The following DPP6 variants were observed in gnomAD, a reference collection of about 807,000 sequenced individuals.
DPP6 encodes dipeptidyl peptidase like 6.
Under a neutral mutation model 122.6 loss-of-function variants are expected in DPP6, and 69 were observed. That is an observed-to-expected ratio of 0.56 (90% confidence interval 0.46 to 0.69). The LOEUF (loss-of-function observed/expected upper bound fraction) is 0.69, where lower values mean the gene tolerates loss of function less well. Ranked by LOEUF, DPP6 falls within the 30% of genes least tolerant of loss-of-function variation. The probability of loss-of-function intolerance (pLI) is 0.00; values close to 1 mark genes in which losing one functional copy is unlikely to be tolerated. For synonymous variants in DPP6, 418 were observed against 433.1 expected, an observed-to-expected ratio of 0.97 and a Z score of 0.43; for missense variants, 928 against 1,116.9, an observed-to-expected ratio of 0.83 and a Z score of 2.41.
the DPP6 span, among the ~76,000 whole-genome samples, chr7:153,829,992 C>T: frequency 1.3e-5 from 2 of 152,188 alleles, no homozygotes; most frequent in South Asian, 2.1e-4. Flanking sequence ...GAGATTTCAT[C>T]GGAGAAGCTA....
chr7:154,352,512 C>T (rs1425279304), intron 1 of DPP6, among the ~76,000 whole-genome samples: 1 of 152,024 alleles, frequency 6.6e-6, no homozygotes, highest in African/African-American at 2.4e-5. Flanking sequence ...AAAAATTTGT[C>T]CTTAAAAATG....
At chr7:154,546,182 T>C (rs1357760016) in intron 4 of DPP6, among the ~76,000 whole-genome samples, 2 of 150,960 alleles carry the variant, frequency 1.3e-5, no homozygotes, top group East Asian at 3.8e-4. Context: ...ACAAAAAATA[T>C]TTATGATATA....
At position 154,241,071 on chromosome 7, in the gene DPP6, A is replaced by G. The variant is rs1376407539; in HGVS notation, c.243+188008A>G. Among the ~76,000 whole-genome samples, 2 of 152,034 alleles carry G rather than the reference A, an allele frequency of 1.3e-5. No individual in the cohort carries two copies. Among genetic ancestry groups the G allele is most frequent in the African/African-American group, 4.8e-5 (2 of 41,318 alleles). On this transcript the variant is annotated intron_variant, in intron 1 of 25. Coordinates refer to ENST00000377770, the MANE Select transcript of DPP6 (RefSeq NM_130797.4). This position sits in a 1 kb window ranked among gnomAD's most constrained non-coding sequence, Gnocchi z 9.0. The stretch of plus-strand genomic sequence containing the variant: ...GTTGGAATATTGTGAAGTTCCGTTG[A>G]TAAATAAATTGATGAAAACCTTTTT...
chr7:154,864,963 C>A (rs1299825152), intron 17 of DPP6, among the ~76,000 whole-genome samples: 1 of 152,232 alleles, frequency 6.6e-6, no homozygotes, highest in Non-Finnish European at 1.5e-5. Flanking sequence ...CTGAGTTTAA[C>A]CTTCTCCTTC....
chr7:153,786,631 C>T, the DPP6 span, among the ~76,000 whole-genome samples: 11 of 147,318 alleles, frequency 7.5e-5, no homozygotes, highest in South Asian at 2.3e-4. Context: ...CCCAGCTACT[C>T]GGGAGGCTGA....
intron 17 of DPP6, among the ~76,000 whole-genome samples, chr7:154,862,214 G>A (rs141938461): frequency 2.6e-5 from 4 of 152,280 alleles, no homozygotes; most frequent in South Asian, 2.1e-4. Context: ...CCTTGCCCTC[G>A]TGACGCCTGT....
Position 154,559,352 on chromosome 7 carries a change from A to G in DPP6, c.553-7490A>G, listed in dbSNP as rs73483848. 8.8e-3 allele frequency among the ~76,000 whole-genome samples: 1,340 copies of G among 151,812 alleles called. 20 individuals carry two copies. Among genetic ancestry groups the G allele is most frequent in the African/African-American group, 0.029 (1,204 of 41,502 alleles). On this transcript the variant is annotated intron_variant, in intron 4 of 25. Coordinates refer to ENST00000377770, the MANE Select transcript of DPP6 (RefSeq NM_130797.4). ...CCAAGAACAAAGAGAAACTTGAAAA[A>G]AAAAAAAGCCTGAACAGCATGTCAA...
intron 1 of DPP6, among the ~76,000 whole-genome samples, chr7:154,238,060 G>A (rs10265546): frequency 0.05 from 7,559 of 152,244 alleles, 631 homozygotes; most frequent in African/African-American, 0.17. Context: ...GGAGGACATC[G>A]AAGATGTCTA....
At chr7:154,411,211 T>C (rs1362062841) in intron 1 of DPP6, among the ~76,000 whole-genome samples, 1 of 152,228 alleles carries the variant, frequency 6.6e-6, no homozygotes, top group Non-Finnish European at 1.5e-5. Context: ...GTAACTCTCA[T>C]TGCATTCATC....
At chr7:153,971,846 A>G (rs1477789132) in intron 1 of DPP6, among the ~76,000 whole-genome samples, 1 of 143,478 alleles carries the variant, frequency 7.0e-6, no homozygotes, top group Non-Finnish European at 1.5e-5. Flanking sequence ...GAACTCCTGG[A>G]ACTCTGGGCT....
chr7:153,759,630 C>G, the DPP6 span, among the ~76,000 whole-genome samples: 1 of 151,794 alleles, frequency 6.6e-6, no homozygotes, highest in Non-Finnish European at 1.5e-5. Flanking sequence ...CCATGCCCAG[C>G]CAACAATGAC....
intron 2 of DPP6, among the ~76,000 whole-genome samples, chr7:154,446,709 G>A (rs764092336): frequency 6.6e-6 from 1 of 152,154 alleles, no homozygotes; most frequent in Non-Finnish European, 1.5e-5. Flanking sequence ...TGTGAACTAA[G>A]GAGAAGGTGC....
intron 2 of DPP6, among the ~76,000 whole-genome samples, chr7:154,458,093 C>T (rs886565856): frequency 6.6e-6 from 1 of 152,122 alleles, no homozygotes; most frequent in African/African-American, 2.4e-5. Context: ...ATACTGGCAG[C>T]CCCCAGAGGC....
intron 1 of DPP6, among the ~76,000 whole-genome samples, chr7:154,223,391 C>G (rs1800415957): frequency 6.7e-6 from 1 of 149,284 alleles, no homozygotes. Flanking sequence ...AAATATAGAA[C>G]TAATGATACC....
At chr7:154,699,762 A>G (rs537863866) in intron 7 of DPP6, among the ~76,000 whole-genome samples, 149 of 152,370 alleles carry the variant, frequency 9.8e-4, no homozygotes, top group African/African-American at 3.3e-3. Context: ...TGCTTGTGCC[A>G]TCAGGCTGCC....
intron 1 of DPP6, among the ~76,000 whole-genome samples, chr7:154,372,692 C>A (rs972961641): frequency 1.3e-5 from 2 of 152,152 alleles, no homozygotes; most frequent in Non-Finnish European, 2.9e-5. Flanking sequence ...AAAGAGACAG[C>A]TAAAACTTTT....
At chr7:154,817,830 T>A (rs6963625) in intron 16 of DPP6, among the ~76,000 whole-genome samples, 9 of 7,826 alleles carry the variant, frequency 1.2e-3, no homozygotes, top group African/African-American at 2.0e-3. Flanking sequence ...GAGTGATTGA[T>A]GGGTGATGTC....
chr7:154,268,192 A>G (rs11762980), intron 1 of DPP6, among the ~76,000 whole-genome samples: 64,216 of 152,076 alleles, frequency 0.42, 13,892 homozygotes, highest in South Asian at 0.55. Context: ...TTGTCTCACC[A>G]TCAACACTGT....
the DPP6 span, among the ~76,000 whole-genome samples, chr7:153,764,909 A>C: frequency 6.6e-6 from 1 of 152,188 alleles, no homozygotes; most frequent in South Asian, 2.1e-4. Flanking sequence ...TCTAGGTAGC[A>C]TTGCTTATGC....
Sources: allele counts gnomAD v4.1 joint callset (sites outside exome capture counted in the v4.1 genomes callset), GRCh38; gene constraint gnomAD v4.1.1; non-coding constraint Gnocchi (gnomAD v3.1); transcripts MANE v1.5; gene names NCBI Gene and HGNC (gene_info 2026-07-23, HGNC 2026-07-21).